EIF2AK4: variants seen among roughly 807,000 people sequenced by gnomAD.
EIF2AK4 encodes eukaryotic translation initiation factor 2 alpha kinase 4, also known as eIF-2-alpha kinase GCN2.
In EIF2AK4, 139 loss-of-function variants were observed where a neutral mutation model predicts 211.1. The observed-to-expected ratio is 0.66, with a 90% CI of 0.57 to 0.76. EIF2AK4 has a LOEUF of 0.76. Ranked by LOEUF, EIF2AK4 falls within the 30% of genes least tolerant of loss-of-function variation. The pLI is 0.00. For synonymous variants in EIF2AK4, 710 were observed against 751.3 expected, an observed-to-expected ratio of 0.94 and a Z score of 0.90; for missense variants, 1,664 against 2,043.8, an observed-to-expected ratio of 0.81 and a Z score of 3.58.
intron 1 of EIF2AK4, 93 bp from the exon 2 acceptor site, chr15:39,939,412 G>A (rs953848056): frequency 1.6e-6 from 1 of 642,032 alleles, no homozygotes; most frequent in African/African-American, 1.9e-5. Flanking sequence ...TATTTTTAAA[G>A]TAGAACTTTT....
chr15:39,992,502 G>A, intron 17 of EIF2AK4: 1 of 552,858 alleles, frequency 1.8e-6, no homozygotes, highest in Non-Finnish European at 3.2e-6. Flanking sequence ...GGTAATGTGA[G>A]GTTACCTCAT....
intron 13 of EIF2AK4, among the ~76,000 whole-genome samples, chr15:39,981,583 G>C (rs1166834365): frequency 6.6e-6 from 1 of 151,344 alleles, no homozygotes. Flanking sequence ...TTCAGGAGTA[G>C]AACCTGATTG....
At position 39,992,238 on chromosome 15, in the gene EIF2AK4, A is replaced by G; in HGVS notation, c.2686+9A>G. On this transcript the variant is annotated intron_variant, in intron 17 of 38. Transcript: ENST00000263791. ...TAAGTCAGACCCTTCAGGTAAACCC[A>G]GAAGACTATATATTTCATCCATGTG... 6.2e-7 allele frequency: 1 copy of G among 1,605,728 alleles called. No homozygotes were observed.
At chr15:39,978,055 G>A (rs773582841) in intron 12 of EIF2AK4, 23 bp from the exon 13 acceptor site, 3 of 1,552,346 alleles carry the variant, frequency 1.9e-6, no homozygotes, top group South Asian at 1.1e-5. Context: ...TGTTCCTTTA[G>A]TATTTCTGTT....
chr15:39,960,936 G>A (rs1372504777), intron 6 of EIF2AK4, among the ~76,000 whole-genome samples: 1 of 152,220 alleles, frequency 6.6e-6, no homozygotes, highest in Non-Finnish European at 1.5e-5. Context: ...TGCTGAGAAT[G>A]AGAGGGTGAT....
Position 39,966,501 on chromosome 15 carries a change from C to CAAA in EIF2AK4, c.1017+669_1017+671dup, listed in dbSNP as rs11391028. ...GGGTGATAGAGCAAGACCCTGTCTC[C>CAAA]AAAAAAAAAAAAAGAAAAGAAAAAT... On this transcript the variant is annotated intron_variant, in intron 8 of 38. Coordinates refer to ENST00000263791, the MANE Select transcript of EIF2AK4 (RefSeq NM_001013703.4). Among the ~76,000 whole-genome samples the CAAA allele has an allele frequency of 7.3e-4, 103 of 140,342 alleles. 1 individual carries two copies. The highest frequency in any genetic ancestry group is 4.4e-3 in the East Asian group (21 of 4,796). The allele number at this position is 140,342 out of a possible 152,430, so 92.1% of individuals were successfully genotyped here. A position where few individuals can be genotyped will look rare whatever the true frequency, so the allele number is the denominator to read the frequency against.
chr15:40,010,723 G>T (rs929655505), intron 26 of EIF2AK4, among the ~76,000 whole-genome samples: 1 of 152,216 alleles, frequency 6.6e-6, no homozygotes, highest in Non-Finnish European at 1.5e-5. Flanking sequence ...CTTTCATCTG[G>T]CAGGTACACA....
rs10438261 is a variant in EIF2AK4, at chr15:39,934,814, A to G, written c.144+475A>G. On this transcript the variant is annotated intron_variant, in intron 1 of 38. Coordinates refer to ENST00000263791, the MANE Select transcript of EIF2AK4 (RefSeq NM_001013703.4). ...ATGCATTCAAATCTGCACGCCACAT[A>G]ATTCCCTCTGTACTCCCCAGGCATC... Among the ~76,000 whole-genome samples the G allele has an allele frequency of 5.0e-3, 768 of 152,238 alleles. 10 individuals are homozygous for G. The highest frequency in any genetic ancestry group is 0.018 in the African/African-American group (739 of 41,542).
intron 35 of EIF2AK4, among the ~76,000 whole-genome samples, chr15:40,031,392 T>C (rs560313396): frequency 6.6e-6 from 1 of 152,330 alleles, no homozygotes; most frequent in East Asian, 1.9e-4. Flanking sequence ...AGGTACTTTA[T>C]TTTTGTAAGC....
At chr15:39,983,441 A>G (rs1452079758) in intron 13 of EIF2AK4, among the ~76,000 whole-genome samples, 2 of 142,428 alleles carry the variant, frequency 1.4e-5, no homozygotes, top group African/African-American at 5.2e-5. Flanking sequence ...GATTCTGGAT[A>G]TTAGCCTTTT....
At chr15:39,962,043 C>G in intron 7 of EIF2AK4, 144 bp downstream of exon 7, 1 of 576,634 alleles carries the variant, frequency 1.7e-6, no homozygotes, top group Non-Finnish European at 3.0e-6. Flanking sequence ...GGCTCCCATC[C>G]TTAATGACTG....
At chr15:39,957,419 C>G (rs2034406181) in intron 6 of EIF2AK4, among the ~76,000 whole-genome samples, 1 of 152,022 alleles carries the variant, frequency 6.6e-6, no homozygotes, top group Admixed American at 6.6e-5. Flanking sequence ...CTCTGCCGAC[C>G]CCTCTGCCTG....
At chr15:39,992,308 G>T in intron 17 of EIF2AK4, 79 bp downstream of exon 17, 3 of 1,287,848 alleles carry the variant, frequency 2.3e-6, no homozygotes, top group Non-Finnish European at 3.2e-6. Context: ...TTTTTTACTT[G>T]TAAAGGTTTT....
In EIF2AK4 at chr15:39,956,846, C is replaced by G. The variant is rs140781111; in HGVS notation, c.743+1078C>G. Among the ~76,000 whole-genome samples, 359 of 152,308 alleles carry G rather than the reference C, an allele frequency of 2.4e-3. 4 individuals are homozygous for G. Among genetic ancestry groups the G allele is most frequent in the East Asian group, 0.018 (91 of 5,190 alleles). On this transcript the variant is annotated intron_variant, in intron 6 of 38. Coordinates refer to ENST00000263791, the MANE Select transcript of EIF2AK4 (RefSeq NM_001013703.4). ...GAAAAGAAACATTTTAGGCACCAAA[C>G]TGAAGATTTATATAAACTTCTGTAT...
intron 17 of EIF2AK4, 193 bp from the exon 18 acceptor site, chr15:39,992,576 G>C: frequency 1.7e-6 from 1 of 603,204 alleles, no homozygotes. Context: ...AGACATCCTT[G>C]TGTAGAACCG....
At chr15:39,992,979 G>C in intron 18 of EIF2AK4, 131 bp downstream of exon 18, 2 of 828,026 alleles carry the variant, frequency 2.4e-6, no homozygotes, top group African/African-American at 1.7e-5. Context: ...AAGGACTCAT[G>C]GTCCTAAGGA....
At chr15:40,019,550 G>A (rs1468102942) in intron 30 of EIF2AK4, among the ~76,000 whole-genome samples, 2 of 152,128 alleles carry the variant, frequency 1.3e-5, no homozygotes, top group South Asian at 2.1e-4. Flanking sequence ...TCAGATCAGC[G>A]GTGGCATTAG....
chr15:39,963,788 A>G (rs561663599), intron 7 of EIF2AK4, among the ~76,000 whole-genome samples: 77 of 152,268 alleles, frequency 5.1e-4, no homozygotes, highest in African/African-American at 1.8e-3. Flanking sequence ...TATTATTCCC[A>G]TCATGAAAAA....
intron 1 of EIF2AK4, among the ~76,000 whole-genome samples, chr15:39,938,753 A>G (rs991262605): frequency 6.6e-5 from 10 of 152,154 alleles, no homozygotes; most frequent in South Asian, 2.1e-4. Context: ...GAGCTTCTGT[A>G]TCTGTAAAAT....
Sources: allele counts gnomAD v4.1 joint callset (sites outside exome capture counted in the v4.1 genomes callset), GRCh38; gene constraint gnomAD v4.1.1; transcripts MANE v1.5; gene names NCBI Gene and HGNC (gene_info 2026-07-23, HGNC 2026-07-21).